The following KLK9 variants were observed in gnomAD, a reference collection of about 807,000 sequenced individuals.
KLK9 encodes the protein kallikrein-9.
KLK9 carries 26 observed loss-of-function variants against 23.3 expected under a neutral mutation model. The ratio of observed to expected loss-of-function variants is 1.12; its 90% confidence interval spans 0.82 to 1.55. The LOEUF (loss-of-function observed/expected upper bound fraction) is 1.55, where lower values mean the gene tolerates loss of function less well. KLK9 is among the 40% of genes most tolerant of loss of function. The pLI, the probability that KLK9 is intolerant of heterozygous loss-of-function variation, is 0.00. For synonymous variants in KLK9, 122 were observed against 128.5 expected (o/e 0.95, Z 0.34); for missense variants, 346 against 333.7 (o/e 1.04, Z -0.29).
intron 2 of KLK9, among the ~76,000 whole-genome samples, chr19:51,008,298 A>G (rs1986690): frequency 2.1e-5 from 3 of 140,430 alleles, no homozygotes; most frequent in Non-Finnish European, 4.5e-5. Flanking sequence ...AGATTGTGCC[A>G]CTGCACTCCA....
intron 2 of KLK9, among the ~76,000 whole-genome samples, chr19:51,008,522 A>G (rs1164013557): frequency 1.3e-5 from 2 of 152,160 alleles, no homozygotes; most frequent in Non-Finnish European, 2.9e-5. Flanking sequence ...CAATGAATCT[A>G]GAAAGCTCTG....
At chr19:51,005,213 A>G (rs2091251154) in intron 3 of KLK9, among the ~76,000 whole-genome samples, 2 of 152,240 alleles carry the variant, frequency 1.3e-5, no homozygotes, top group South Asian at 4.1e-4. Context: ...CTAATGGGTC[A>G]GTGATCCGTG....
intron 3 of KLK9, among the ~76,000 whole-genome samples, chr19:51,005,821 G>A (rs1308824184): frequency 6.6e-6 from 1 of 151,560 alleles, no homozygotes; most frequent in Non-Finnish European, 1.5e-5. Context: ...GCTCATGCCT[G>A]TTTTCCCAGC....
Position 51,003,760 on chromosome 19 carries a change from T to C in KLK9, c.547A>G (p.Ile183Val). 6.2e-7 allele frequency: 1 copy of C among 1,613,362 alleles called. No individual in the cohort carries two copies. Among genetic ancestry groups the C allele is most frequent in the Non-Finnish European group, 8.5e-7 (1 of 1,179,308 alleles). The change falls in exon 4 of 5, where the codon ATC becomes GTC. Residue 183 changes from isoleucine (I) to valine (V), a missense_variant. Physicochemically the swap from Ile to Val is conservative, Grantham distance 29. Transcript: ENST00000594211. ...CCCGCACAGAGCATGCTGTCCGAGA[T>C]GTGTCCAGGGTATGCCCAGTGACAG... ...KLCHWAYPGH[I>V]SDSMLCAGLW... is the part of the protein sequence containing the mutation.
In KLK9 at chr19:51,008,460, A is replaced by G. The variant is rs539173773; in HGVS notation, c.200+723T>C. 7.2e-5 allele frequency among the ~76,000 whole-genome samples: 11 copies of G among 152,232 alleles called. No homozygotes were observed. The South Asian group carries it at 1.0e-3, about 14-fold the overall frequency. On this transcript the variant is annotated intron_variant, in intron 2 of 4. Coordinates refer to ENST00000594211, the MANE Select transcript of KLK9 (RefSeq NM_012315.2). Reference sequence around the variant, plus strand: ...AGACTACAGAATTATCTGAATCTCAATATTCTAGGATACTGTGAATCAAAG... The same window carrying G: ...AGACTACAGAATTATCTGAATCTCAGTATTCTAGGATACTGTGAATCAAAG...
intron 4 of KLK9, 124 bp downstream of exon 4, chr19:51,003,580 G>A: frequency 1.1e-6 from 1 of 875,714 alleles, no homozygotes; most frequent in East Asian, 2.5e-5. Flanking sequence ...TCCTCTCCCA[G>A]GAACCAGGTA....
At position 51,002,518 on chromosome 19, in the gene KLK9, T is replaced by C. The variant is rs1211217586; in HGVS notation, c.*593A>G. 3.3e-5 allele frequency: 5 copies of C among 152,068 alleles called. No individual in the cohort carries two copies. Among genetic ancestry groups the C allele is most frequent in the Admixed American group, 3.3e-4 (5 of 15,256 alleles). The allele number at this position is 152,068 out of a possible 1,614,324, so 9.4% of individuals were successfully genotyped here. A position where few individuals can be genotyped will look rare whatever the true frequency, so the allele number is the denominator to read the frequency against. ...CAGCTCAGGCAGAAAGAAGGTGAGG[T>C]TTCCCGCGTTTACTGAAAAATCATC... On this transcript the variant is annotated 3_prime_UTR_variant, in exon 5 of 5. Transcript: ENST00000594211.
chr19:51,008,798 T>TA (rs1177014805), intron 2 of KLK9, among the ~76,000 whole-genome samples: 2 of 152,220 alleles, frequency 1.3e-5, no homozygotes, highest in African/African-American at 2.4e-5. Flanking sequence ...AATTTAAACT[T>TA]ACACATGTGG....
intron 4 of KLK9, 117 bp from the exon 5 acceptor site, chr19:51,003,377 T>C (rs1007336620): frequency 1.8e-6 from 2 of 1,101,218 alleles, no homozygotes; most frequent in Non-Finnish European, 2.5e-6. Context: ...CATCCGAGAG[T>C]CCTCCATCTC....
In KLK9 at chr19:51,006,325, A is replaced by T; in HGVS notation, c.466+133T>A. 2 of 891,122 alleles carry T rather than the reference A, an allele frequency of 2.2e-6. No homozygotes were observed. Among genetic ancestry groups the T allele is most frequent in the Non-Finnish European group, 3.3e-6 (2 of 606,260 alleles). The allele number at this position is 891,122 out of a possible 1,614,324, so 55.2% of individuals were successfully genotyped here. Reference sequence around the variant, plus strand: ...AAATGCTAGCATCTTATATTTGGTTAAATATATCGATTGGCAGATAGATAG... The same window carrying T: ...AAATGCTAGCATCTTATATTTGGTTTAATATATCGATTGGCAGATAGATAG... On this transcript the variant is annotated intron_variant, in intron 3 of 4. Coordinates refer to ENST00000594211, the MANE Select transcript of KLK9 (RefSeq NM_012315.2). This position sits in a 1 kb window ranked among gnomAD's most constrained non-coding sequence, Gnocchi z 4.1.
intron 2 of KLK9, among the ~76,000 whole-genome samples, chr19:51,008,167 T>TAAAA (rs577874335): frequency 2.1e-4 from 20 of 95,912 alleles, no homozygotes; most frequent in Non-Finnish European, 3.8e-4. Flanking sequence ...CCGTCTCTAC[T>TAAAA]AAAAAAAAAA....
chr19:51,003,628 G>A (rs544555478), intron 4 of KLK9, 76 bp downstream of exon 4: 3 of 1,322,830 alleles, frequency 2.3e-6, no homozygotes, highest in Non-Finnish European at 3.2e-6. Context: ...GGAAGGCTGG[G>A]GGCCGACCCC....
chr19:51,003,173 G>A lies in KLK9; in HGVS notation c.691C>T (p.Pro231Ser), dbSNP rs2091241178. 1 of 1,573,536 alleles carries A rather than the reference G, an allele frequency of 6.4e-7. No homozygotes were observed. The highest frequency in any genetic ancestry group is 8.6e-7 in the Non-Finnish European group (1 of 1,159,230). ...GAEPCSRPRR[P>S]AVYTSVCHYL... ...TGGCATACGCTGGTGTAGACTGCGG[G>A]GCGCCGGGGTCTGGAGCAGGGCTCA... Residue 231 changes from proline (P) to serine (S), a missense_variant, in exon 5 of 5, where the codon CCC (proline) becomes TCC (serine). Pro to Ser is a moderately conservative substitution (Grantham distance 74). Transcript: ENST00000594211.
At chr19:51,005,849 C>CACTTT (rs2091253227) in intron 3 of KLK9, among the ~76,000 whole-genome samples, 1 of 150,976 alleles carries the variant, frequency 6.6e-6, no homozygotes, top group Admixed American at 6.6e-5. Context: ...GAGTCCAAGG[C>CACTTT]GGGCAGATCA....
chr19:51,003,982 TGACA>T (rs1245201828), intron 3 of KLK9, 142 bp from the exon 4 acceptor site: 3 of 651,948 alleles, frequency 4.6e-6, no homozygotes, highest in Non-Finnish European at 8.0e-6. Context: ...CAAGAGACAG[TGACA>T]GACAGACAGT....
chr19:51,003,308 G>C, intron 4 of KLK9, 48 bp from the exon 5 acceptor site: 1 of 1,568,560 alleles, frequency 6.4e-7, no homozygotes, highest in Non-Finnish European at 8.7e-7. Context: ...CTCTGTTCAT[G>C]ACAATTACAC....
Position 51,006,865 on chromosome 19 carries a change from G to A in KLK9, c.201-142C>T. 1.1e-6 allele frequency: 1 copy of A among 926,362 alleles called. No homozygotes were observed. The highest frequency in any genetic ancestry group is 1.6e-6 in the Non-Finnish European group (1 of 639,400). 57.4% of individuals were successfully genotyped at this position (926,362 alleles called of 1,614,324 possible). A position where few individuals can be genotyped will look rare whatever the true frequency, so the allele number is the denominator to read the frequency against. On this transcript the variant is annotated intron_variant, in intron 2 of 4. Coordinates refer to ENST00000594211, the MANE Select transcript of KLK9 (RefSeq NM_012315.2). The surrounding 1 kb of genome is among the most constrained non-coding windows in gnomAD (Gnocchi z 4.1). ...TCTGCACCCTCATCATCTATGTCTG[G>A]CCCAGGGTACTGTGATTTTAAGCGA...
rs766343476 is a variant in KLK9 at position 51,009,585 on chromosome 19, C to T, written c.-38G>A. The T allele has an allele frequency of 1.0e-5, 16 of 1,597,810 alleles. No individual in the cohort carries two copies. Among genetic ancestry groups the T allele is most frequent in the African/African-American group, 4.0e-5 (3 of 74,714 alleles). ...CCTGGATCCTGGAACGTGCACCCGG[C>T]GTCCAGTGCTTCTTTATGGTAAGCC... On this transcript the variant is annotated 5_prime_UTR_variant, in exon 1 of 5. Transcript: ENST00000594211. This position sits in a 1 kb window ranked among gnomAD's most constrained non-coding sequence, Gnocchi z 4.8.
At chr19:51,005,074 T>C (rs1216694634) in intron 3 of KLK9, among the ~76,000 whole-genome samples, 1 of 152,180 alleles carries the variant, frequency 6.6e-6, no homozygotes, top group Non-Finnish European at 1.5e-5. Flanking sequence ...CTTGCTATTT[T>C]GGGAATGTGA....
Sources: gnomAD v4.1 joint callset for allele counts (sites outside exome capture counted in the v4.1 genomes callset) on GRCh38, gnomAD v4.1.1 for gene constraint, Gnocchi (gnomAD v3.1) non-coding constraint, MANE v1.5 for transcripts, NCBI Gene and HGNC (gene_info 2026-07-23, HGNC 2026-07-21) for gene names.